DHRS2: variants seen among roughly 807,000 people sequenced by gnomAD.
DHRS2 encodes dehydrogenase/reductase SDR family member 2, mitochondrial.
DHRS2 carries 29 observed loss-of-function variants against 26.3 expected under a neutral mutation model. That is an observed-to-expected ratio of 1.10 (90% CI 0.82 to 1.50). DHRS2 has a LOEUF of 1.50. Ranked by LOEUF, DHRS2 falls within the 40% of genes most tolerant of loss-of-function variation. DHRS2 has a pLI of 0.00. For synonymous variants in DHRS2, 164 were observed against 151.3 expected (o/e 1.08, Z -0.62); for missense variants, 439 against 367.1 (o/e 1.20, Z -1.60).
In DHRS2 at chr14:23,636,631, C is replaced by T. The variant is rs994459407; in HGVS notation, c.-180C>T. 4.6e-5 allele frequency: 7 copies of T among 152,142 alleles called. No homozygotes were observed. The highest frequency in any genetic ancestry group is 1.3e-4 in the Admixed American group (2 of 15,272). 9.4% of individuals were successfully genotyped at this position (152,142 alleles called of 1,614,324 possible). A position where few individuals can be genotyped will look rare whatever the true frequency, so the allele number is the denominator to read the frequency against. ...TTCTTGAAGTCAGTGAGGCCAAGAA[C>T]CCATCAATTCCGTACACATTTTGGT... On this transcript the variant is annotated 5_prime_UTR_variant, in exon 1 of 9. Coordinates refer to ENST00000250383, the MANE Select transcript of DHRS2 (RefSeq NM_005794.4).
At chr14:23,640,411 G>T (rs565611675) in intron 4 of DHRS2, 1 of 985,476 alleles carries the variant, frequency 1.0e-6, no homozygotes, top group South Asian at 4.7e-5. Context: ...CATTCCGGGG[G>T]CTTAGACATC....
chr14:23,632,153 C>T (rs903451939), upstream of DHRS2, among the ~76,000 whole-genome samples: 1 of 152,188 alleles, frequency 6.6e-6, no homozygotes, highest in African/African-American at 2.4e-5. Context: ...AAAGGCGAGT[C>T]CTCTTTTTCC....
chr14:23,643,833 G>C, intron 5 of DHRS2: 1 of 486,096 alleles, frequency 2.1e-6, no homozygotes, highest in Non-Finnish European at 3.7e-6. Flanking sequence ...AGCCCACCCT[G>C]CCCTCTCCTT....
rs1322447968 is a variant in DHRS2 at position 23,644,843 on chromosome 14, C to T, written c.692C>T (p.Ser231Phe). 1.9e-6 allele frequency: 3 copies of T among 1,614,168 alleles called. No homozygotes were observed. Among genetic ancestry groups the T allele is most frequent in the South Asian group, 1.1e-5 (1 of 91,086 alleles). ...DFSKVFHGNESLWKNFKEHHQ... is the reference protein window; with the variant it reads ...DFSKVFHGNEFLWKNFKEHHQ... Reference sequence around the variant, plus strand: ...TTTGCCCAGTTTCATGGGAATGAGTCTCTCTGGAAGAACTTCAAGGAACAT... The same window carrying T: ...TTTGCCCAGTTTCATGGGAATGAGTTTCTCTGGAAGAACTTCAAGGAACAT... The change falls in exon 8 of 9, where the codon TCT becomes TTT. Residue 231 changes from serine (S) to phenylalanine (F), a missense_variant. Ser to Phe is a radical substitution (Grantham distance 155). Coordinates refer to ENST00000250383, the MANE Select transcript of DHRS2 (RefSeq NM_005794.4).
chr14:23,641,385 G>A (rs186088156), intron 4 of DHRS2: 9 of 255,538 alleles, frequency 3.5e-5, no homozygotes, highest in Admixed American at 1.5e-4. Flanking sequence ...TCCAGCGTGC[G>A]CCCTCTTTCA....
chr14:23,643,307 T>A, intron 5 of DHRS2, 88 bp downstream of exon 5: 1 of 1,243,848 alleles, frequency 8.0e-7, no homozygotes, highest in Non-Finnish European at 1.2e-6. Context: ...CAGTAGTGGG[T>A]AGAGGACAGA....
upstream of DHRS2, among the ~76,000 whole-genome samples, chr14:23,632,100 G>A (rs937442129): frequency 3.9e-5 from 6 of 152,216 alleles, no homozygotes; most frequent in Non-Finnish European, 7.3e-5. Flanking sequence ...TCTCACAGGT[G>A]CTGTTACTCT....
chr14:23,637,263 T>A (rs1393199923), intron 1 of DHRS2, among the ~76,000 whole-genome samples: 1 of 152,214 alleles, frequency 6.6e-6, no homozygotes, highest in Non-Finnish European at 1.5e-5. Flanking sequence ...ATTTCTCTTA[T>A]AAGAATGATT....
In DHRS2 at chr14:23,645,222, T is replaced by C; in HGVS notation, c.812T>C (p.Ile271Thr). 1.2e-6 allele frequency: 2 copies of C among 1,614,174 alleles called. No individual in the cohort carries two copies. Among genetic ancestry groups the C allele is most frequent in the Non-Finnish European group, 1.7e-6 (2 of 1,180,038 alleles). The change falls in exon 9 of 9, where the codon ATT (isoleucine) becomes ACT (threonine). Residue 271 changes from isoleucine (I) to threonine (T), a missense_variant. Physicochemically the swap from Ile to Thr is moderately conservative, Grantham distance 89. Transcript: ENST00000250383. The stretch of plus-strand genomic sequence containing the variant: ...GCCAGCTACGTCAACGGGGAGAACA[T>C]TGCGGTGGCAGGCTACTCCACTCGG... ...PDASYVNGEN[I>T]AVAGYSTRL
At chr14:23,635,937 C>T (rs557232454), upstream of DHRS2, among the ~76,000 whole-genome samples, 4 of 152,364 alleles carry the variant, frequency 2.6e-5, no homozygotes, top group East Asian at 1.9e-4. Context: ...GGCTAGGTGC[C>T]GCAAAGTCCT....
intron 4 of DHRS2, chr14:23,641,507 G>C: frequency 1.1e-6 from 1 of 916,012 alleles, no homozygotes; most frequent in African/African-American, 1.8e-5. Context: ...CTTTTCTTTG[G>C]CTTGGTTTTT....
rs771672736 is a variant in DHRS2, at chr14:23,639,898, G to A, written c.420+3G>A. On this transcript the variant is annotated splice_donor_region_variant and intron_variant, in intron 4 of 8. Coordinates refer to ENST00000250383, the MANE Select transcript of DHRS2 (RefSeq NM_005794.4). Reference sequence around the variant, plus strand: ...CCAGTGAGCAGATCTGGGACAAGGTGAGAGGCCTCCCCTGGGGAGGCGGCT... The same window carrying A: ...CCAGTGAGCAGATCTGGGACAAGGTAAGAGGCCTCCCCTGGGGAGGCGGCT... 6.3e-7 allele frequency: 1 copy of A among 1,593,938 alleles called. No individual in the cohort carries two copies. The highest frequency in any genetic ancestry group is 1.1e-5 in the South Asian group (1 of 88,150).
intron 4 of DHRS2, 46 bp from the exon 5 acceptor site, chr14:23,643,106 C>T (rs757783430): frequency 1.2e-6 from 2 of 1,600,624 alleles, no homozygotes; most frequent in Admixed American, 3.3e-5. Context: ...AGGACTTGGG[C>T]TGACCATGTC....
Position 23,641,588 on chromosome 14 carries a change from T to C in DHRS2, c.421-1564T>C, listed in dbSNP as rs915961519. The C allele has an allele frequency of 1.1e-5, 14 of 1,286,866 alleles. No homozygotes were observed. In the African/African-American group the frequency reaches 2.1e-4, roughly 20 times the overall value. The allele number at this position is 1,286,866 out of a possible 1,614,324, so 79.7% of individuals were successfully genotyped here. The stretch of plus-strand genomic sequence containing the variant: ...TGATGCACATGGAGTATTGGACAGA[T>C]ATCCTGTGGGCTGGTTGGGGTCTGT... On this transcript the variant is annotated intron_variant, in intron 4 of 8. Coordinates refer to ENST00000250383, the MANE Select transcript of DHRS2 (RefSeq NM_005794.4).
intron 1 of DHRS2, among the ~76,000 whole-genome samples, chr14:23,637,841 T>C (rs960021933): frequency 2.8e-4 from 42 of 152,108 alleles, no homozygotes; most frequent in African/African-American, 9.7e-4. Context: ...TCTGTCAAAA[T>C]GGACCAATCA....
chr14:23,643,519 C>T (rs1408658679), intron 5 of DHRS2: 4 of 394,640 alleles, frequency 1.0e-5, no homozygotes, highest in Non-Finnish European at 1.9e-5. Flanking sequence ...TGTCACCTTA[C>T]CTGCTCTCTG....
chr14:23,643,967 TCA>T, intron 5 of DHRS2, 142 bp from the exon 6 acceptor site: 1 of 818,542 alleles, frequency 1.2e-6, no homozygotes, highest in African/African-American at 1.7e-5. Flanking sequence ...TTTCTGAGCC[TCA>T]GTTTTCTGAA....
In DHRS2 at chr14:23,639,869, G is replaced by T. The variant is rs752690293; in HGVS notation, c.394G>T (p.Gly132Trp). The change falls in exon 4 of 9, where the codon GGG becomes TGG. Residue 132 changes from glycine to tryptophan, a missense_variant. Physicochemically the swap from Gly to Trp is radical, Grantham distance 184 (BLOSUM62 -2). Transcript: ENST00000250383. Reference protein sequence around the residue: ...GVNPLVGSTLGTSEQIWDKIL... With the variant: ...GVNPLVGSTLWTSEQIWDKIL... ...CAACCCTCTGGTAGGGAGCACTCTG[G>T]GGACCAGTGAGCAGATCTGGGACAA... 15 of 1,608,676 alleles carry T rather than the reference G, an allele frequency of 9.3e-6. No individual in the cohort carries two copies. The highest frequency in any genetic ancestry group is 2.5e-6 in the Non-Finnish European group (3 of 1,177,360).
chr14:23,643,022 G>A (rs1566703751), intron 4 of DHRS2, 130 bp from the exon 5 acceptor site: 1 of 840,080 alleles, frequency 1.2e-6, no homozygotes. Context: ...TCAGAAGGGG[G>A]ATTGGTTTCT....
Sources: gnomAD v4.1 joint callset for allele counts (sites outside exome capture counted in the v4.1 genomes callset) on GRCh38, gnomAD v4.1.1 for gene constraint, MANE v1.5 for transcripts, NCBI Gene and HGNC (gene_info 2026-07-23, HGNC 2026-07-21) for gene names.